BRD4: variants seen among roughly 807,000 people sequenced by gnomAD.
The protein encoded by BRD4 is bromodomain containing 4.
In BRD4, 16 loss-of-function variants were observed where a neutral mutation model predicts 142.1. The ratio of observed to expected loss-of-function variants is 0.11; its 90% CI spans 0.08 to 0.17. The LOEUF (loss-of-function observed/expected upper bound fraction) is 0.17. BRD4 is among the 10% of genes least tolerant of loss of function. The pLI is 1.00. For synonymous variants in BRD4, 833 were observed against 707.5 expected (o/e 1.18, Z -2.82); for missense variants, 1,424 against 1,810.9 (o/e 0.79, Z 3.88).
chr19:15,325,468 G>A (rs2048099121), intron 1 of BRD4, among the ~76,000 whole-genome samples: 1 of 152,130 alleles, frequency 6.6e-6, no homozygotes, highest in Non-Finnish European at 1.5e-5. Context: ...CTGGGCAGGA[G>A]AGGGTAGAAA....
Position 15,278,279 on chromosome 19 carries a change from A to G in BRD4, c.-34-5146T>C, listed in dbSNP as rs532195612. 2.6e-5 allele frequency among the ~76,000 whole-genome samples: 4 copies of G among 152,194 alleles called. No homozygotes were observed. In the East Asian group the frequency reaches 5.8e-4, roughly 22 times the overall value. ...GCCAGGCATGGCGGGCCACACCTGT[A>G]ATCCCAGCACTCTGGGAAAACGAGG... On this transcript the variant is annotated intron_variant, in intron 1 of 19. Coordinates refer to ENST00000679869, the MANE Select transcript of BRD4 (RefSeq NM_001379291.1).
chr19:15,273,151 A>G lies in BRD4; in HGVS notation c.-34-18T>C, dbSNP rs200198413. On this transcript the variant is annotated intron_variant, in intron 1 of 19. Transcript: ENST00000679869. ...CAGGCACTCTACAAAGGAAGAGAAG[A>G]GCCCCCGTGAGATATCAGTCAGCAG... 4 of 1,527,648 alleles carry G rather than the reference A, an allele frequency of 2.6e-6. No homozygotes were observed. The highest frequency in any genetic ancestry group is 3.5e-6 in the Non-Finnish European group (4 of 1,136,388). 94.6% of individuals were successfully genotyped at this position (1,527,648 alleles called of 1,614,324 possible).
rs1480007387 is a variant in BRD4 at position 15,330,044 on chromosome 19, C to G, written c.-35+2246G>C. Among the ~76,000 whole-genome samples, 8 of 152,350 alleles carry G rather than the reference C, an allele frequency of 5.3e-5. No individual in the cohort carries two copies. The East Asian group carries it at 1.5e-3, about 29-fold the overall frequency. Reference sequence around the variant, plus strand: ...GACTAGCGAAGCTAGGCATATAGCACCCCAGAACAGCCAAACAATCCTTAA... The same window carrying G: ...GACTAGCGAAGCTAGGCATATAGCAGCCCAGAACAGCCAAACAATCCTTAA... On this transcript the variant is annotated intron_variant, in intron 1 of 19. Transcript: ENST00000679869.
intron 7 of BRD4, among the ~76,000 whole-genome samples, chr19:15,259,987 C>T (rs1003500589): frequency 1.3e-5 from 2 of 152,196 alleles, no homozygotes; most frequent in Non-Finnish European, 2.9e-5. Context: ...GGGTAGCAGG[C>T]ACCAGCACCC....
chr19:15,289,922 G>T (rs969759900), intron 1 of BRD4, among the ~76,000 whole-genome samples: 1 of 152,212 alleles, frequency 6.6e-6, no homozygotes, highest in Non-Finnish European at 1.5e-5. Flanking sequence ...CTCAGCAAGG[G>T]GCTCAAGTGA....
intron 1 of BRD4, among the ~76,000 whole-genome samples, chr19:15,300,363 C>T (rs1272081859): frequency 6.6e-6 from 1 of 151,616 alleles, no homozygotes; most frequent in Non-Finnish European, 1.5e-5. Context: ...ACCAGCCTGG[C>T]CAACATGGTG....
Position 15,265,541 on chromosome 19 carries a change from G to A in BRD4, c.662C>T (p.Thr221Met), listed in dbSNP as rs776261114. ...PQPNPPPVQA[T>M]PHPFPAVTPD... is the part of the protein sequence containing the mutation. Reference sequence around the variant, plus strand: ...GGTGACGGCAGGGAAGGGGTGAGGCGTGGCCTGCACAGGAGGAGGATTCGG... The same window carrying A: ...GGTGACGGCAGGGAAGGGGTGAGGCATGGCCTGCACAGGAGGAGGATTCGG... The change falls in exon 5 of 20, where the codon ACG (threonine) becomes ATG (methionine). Residue 221 changes from threonine (T) to methionine (M), a missense_variant. Physicochemically the swap from Thr to Met is moderately conservative, Grantham distance 81. Transcript: ENST00000679869. The A allele has an allele frequency of 2.7e-5, 44 of 1,613,944 alleles. No individual in the cohort carries two copies. The highest frequency in any genetic ancestry group is 3.1e-5 in the Non-Finnish European group (37 of 1,179,996).
At chr19:15,327,527 C>G (rs2048119020) in intron 1 of BRD4, among the ~76,000 whole-genome samples, 1 of 151,582 alleles carries the variant, frequency 6.6e-6, no homozygotes, top group Admixed American at 6.6e-5. Flanking sequence ...CTGGGCGACA[C>G]AGCAAGACTC....
intron 1 of BRD4, among the ~76,000 whole-genome samples, chr19:15,311,800 C>T (rs952416717): frequency 6.6e-6 from 1 of 152,002 alleles, no homozygotes; most frequent in Non-Finnish European, 1.5e-5. Flanking sequence ...GAAACTCCAT[C>T]TCAAACAAAC....
chr19:15,284,784 A>G (rs2047728200), intron 1 of BRD4, among the ~76,000 whole-genome samples: 1 of 152,226 alleles, frequency 6.6e-6, no homozygotes, highest in African/African-American at 2.4e-5. Flanking sequence ...GAGCAGAATA[A>G]AATGAAACCC....
intron 11 of BRD4, among the ~76,000 whole-genome samples, chr19:15,252,215 C>A (rs569666676): frequency 6.6e-6 from 1 of 152,208 alleles, no homozygotes; most frequent in African/African-American, 2.4e-5. Flanking sequence ...AGGCCATGAT[C>A]ACACACTGGA....
chr19:15,301,865 GAAAA>G (rs952860124), intron 1 of BRD4, among the ~76,000 whole-genome samples: 3 of 40,474 alleles, frequency 7.4e-5, no homozygotes, highest in Non-Finnish European at 1.0e-4. Flanking sequence ...CCGTCTCAAA[GAAAA>G]AAAAAAAAAA....
intron 1 of BRD4, among the ~76,000 whole-genome samples, chr19:15,281,786 G>C (rs1159893254): frequency 6.6e-6 from 1 of 152,228 alleles, no homozygotes; most frequent in Admixed American, 6.5e-5. Context: ...GGGAGGCCGA[G>C]GCGGGTGGAT....
intron 1 of BRD4, among the ~76,000 whole-genome samples, chr19:15,314,774 T>G (rs2048002247): frequency 6.6e-6 from 1 of 152,182 alleles, no homozygotes; most frequent in African/African-American, 2.4e-5. Flanking sequence ...GCTACCAGGC[T>G]GGATAACCCA....
intron 1 of BRD4, among the ~76,000 whole-genome samples, chr19:15,312,834 C>G (rs1039813457): frequency 3.3e-5 from 5 of 151,876 alleles, no homozygotes; most frequent in African/African-American, 4.8e-5. Context: ...ACCCCAGAGG[C>G]TGAGGCAAGA....
intron 1 of BRD4, among the ~76,000 whole-genome samples, chr19:15,308,373 T>C (rs914942758): frequency 4.1e-5 from 6 of 147,372 alleles, no homozygotes; most frequent in African/African-American, 7.5e-5. Flanking sequence ...TGAATTACGA[T>C]GTCAGGAGTT....
At chr19:15,301,629 A>G (rs2047868803) in intron 1 of BRD4, among the ~76,000 whole-genome samples, 1 of 151,750 alleles carries the variant, frequency 6.6e-6, no homozygotes, top group African/African-American at 2.4e-5. Flanking sequence ...TGGGAAGCCG[A>G]GGTGGACAGA....
chr19:15,252,037 C>T (rs571308825), intron 11 of BRD4, among the ~76,000 whole-genome samples: 2 of 152,308 alleles, frequency 1.3e-5, no homozygotes, highest in East Asian at 3.9e-4. Flanking sequence ...TCTCAGATTA[C>T]TTGTTGCACA....
intron 11 of BRD4, among the ~76,000 whole-genome samples, chr19:15,251,755 TGA>T (rs1188813254): frequency 6.6e-6 from 1 of 152,092 alleles, no homozygotes; most frequent in African/African-American, 2.4e-5. Context: ...CGGCCCCTCC[TGA>T]GAGGAGAAGC....
Sources: gnomAD v4.1 joint callset for allele counts (sites outside exome capture counted in the v4.1 genomes callset) on GRCh38, gnomAD v4.1.1 for gene constraint, MANE v1.5 for transcripts, NCBI Gene and HGNC (gene_info 2026-07-23, HGNC 2026-07-21) for gene names.